The following SPIRE1 variants were observed in gnomAD, a reference collection of about 807,000 sequenced individuals.
SPIRE1 encodes protein spire homolog 1.
Under a neutral mutation model 94.1 loss-of-function variants are expected in SPIRE1, and 40 were observed. That is an observed-to-expected ratio of 0.43 (90% CI 0.33 to 0.55). The LOEUF (loss-of-function observed/expected upper bound fraction) is 0.55, where lower values mean the gene tolerates loss of function less well. Among genes scored for constraint, SPIRE1 ranks in the 20% least tolerant of loss-of-function variants. The pLI, the probability that SPIRE1 is intolerant of heterozygous loss-of-function variation, is 0.06. For missense variants in SPIRE1, 838 were observed against 975.2 expected (o/e 0.86, Z 1.87); for synonymous variants, 376 against 371.7 (o/e 1.01, Z -0.13).
chr18:12,549,614 G>C (rs974753374), intron 2 of SPIRE1, among the ~76,000 whole-genome samples: 7 of 151,456 alleles, frequency 4.6e-5, no homozygotes, highest in Non-Finnish European at 8.8e-5. Context: ...ACCATGCCGG[G>C]GTACTTTTTG....
intron 1 of SPIRE1, among the ~76,000 whole-genome samples, chr18:12,636,573 A>G (rs1264788324): frequency 6.6e-6 from 1 of 152,042 alleles, no homozygotes; most frequent in East Asian, 1.9e-4. Context: ...CTCATCTCTT[A>G]ATGATCCTAA....
chr18:12,462,046 T>G (rs1379759736), intron 12 of SPIRE1, among the ~76,000 whole-genome samples: 1 of 152,162 alleles, frequency 6.6e-6, no homozygotes, highest in African/African-American at 2.4e-5. Flanking sequence ...CTGGTCAGAG[T>G]TCTGTTTTCT....
upstream of SPIRE1, chr18:12,661,259 G>T: frequency 2.2e-6 from 1 of 449,290 alleles, no homozygotes; most frequent in Non-Finnish European, 2.9e-6. Context: ...AGTGAGCCGA[G>T]ATCACGCCAT....
At chr18:12,615,253 A>C (rs1390865030) in intron 2 of SPIRE1, among the ~76,000 whole-genome samples, 1 of 137,262 alleles carries the variant, frequency 7.3e-6, no homozygotes, top group Admixed American at 7.6e-5. Flanking sequence ...GCTTGAACCC[A>C]GGAGGCAGAG....
intron 1 of SPIRE1, among the ~76,000 whole-genome samples, chr18:12,644,609 T>C (rs2038172836): frequency 6.6e-6 from 1 of 152,212 alleles, no homozygotes; most frequent in South Asian, 2.1e-4. Flanking sequence ...AATCTGCAAG[T>C]AACCCTCCAT....
At chr18:12,648,875 A>G (rs2038296271) in intron 1 of SPIRE1, among the ~76,000 whole-genome samples, 1 of 124,984 alleles carries the variant, frequency 8.0e-6, no homozygotes, top group Admixed American at 1.0e-4. Flanking sequence ...GGACAAGAAG[A>G]GCGAAACTCC....
At chr18:12,506,422 G>A in intron 6 of SPIRE1, 55 bp downstream of exon 6, 2 of 1,534,258 alleles carry the variant, frequency 1.3e-6, no homozygotes, top group Middle Eastern at 1.8e-4. Context: ...ACCTCCCAAA[G>A]TGCTGGGATT....
At chr18:12,578,699 G>C (rs923578361) in intron 2 of SPIRE1, among the ~76,000 whole-genome samples, 1 of 152,116 alleles carries the variant, frequency 6.6e-6, no homozygotes, top group Non-Finnish European at 1.5e-5. Flanking sequence ...CCCACTATCC[G>C]ATGTGTAGCC....
At chr18:12,481,821 G>A (rs1321363465) in intron 9 of SPIRE1, among the ~76,000 whole-genome samples, 2 of 152,120 alleles carry the variant, frequency 1.3e-5, no homozygotes, top group East Asian at 3.9e-4. Flanking sequence ...AAATAGAATT[G>A]TTGATATTTT....
At chr18:12,638,092 A>C (rs909356724) in intron 1 of SPIRE1, among the ~76,000 whole-genome samples, 14 of 152,154 alleles carry the variant, frequency 9.2e-5, no homozygotes, top group Non-Finnish European at 7.3e-5. Flanking sequence ...TCCCAATCAC[A>C]TGACATCAGA....
chr18:12,603,083 G>A (rs1232528734), intron 2 of SPIRE1, among the ~76,000 whole-genome samples: 2 of 152,076 alleles, frequency 1.3e-5, no homozygotes, highest in Non-Finnish European at 2.9e-5. Flanking sequence ...ACCTTAAACA[G>A]GTTCATAACA....
intron 4 of SPIRE1, among the ~76,000 whole-genome samples, chr18:12,526,160 T>A (rs1021869595): frequency 1.3e-5 from 2 of 151,332 alleles, no homozygotes; most frequent in African/African-American, 2.4e-5. Flanking sequence ...TAGACTCTTC[T>A]GGTGCATCTT....
intron 10 of SPIRE1, among the ~76,000 whole-genome samples, chr18:12,470,789 T>C (rs960142902): frequency 3.3e-5 from 5 of 152,072 alleles, no homozygotes; most frequent in Non-Finnish European, 5.9e-5. Context: ...CTGCCTGGCC[T>C]GCTTCCCGAA....
intron 4 of SPIRE1, among the ~76,000 whole-genome samples, chr18:12,515,450 C>T (rs144350953): frequency 2.2e-4 from 34 of 152,008 alleles, no homozygotes; most frequent in East Asian, 1.6e-3. Context: ...TGGGAGGTTG[C>T]GGCTACAAGT....
chr18:12,516,102 A>G (rs2034186533), intron 4 of SPIRE1: 1 of 152,200 alleles, frequency 6.6e-6, no homozygotes, highest in Non-Finnish European at 1.5e-5. Context: ...CACTATGTCA[A>G]AGATATTTTA....
upstream of SPIRE1, among the ~76,000 whole-genome samples, chr18:12,660,306 A>T (rs1054765175): frequency 1.4e-5 from 2 of 147,128 alleles, no homozygotes; most frequent in South Asian, 2.1e-4. Flanking sequence ...CCTCTAATCA[A>T]TGGAAAAAGA....
intron 3 of SPIRE1, among the ~76,000 whole-genome samples, chr18:12,538,368 T>C (rs1022563985): frequency 6.6e-6 from 1 of 152,154 alleles, no homozygotes. Flanking sequence ...TGGGTTTCCA[T>C]TTATCTCTAA....
chr18:12,492,069 C>G (rs558530673), intron 8 of SPIRE1, among the ~76,000 whole-genome samples: 1 of 152,290 alleles, frequency 6.6e-6, no homozygotes, highest in Admixed American at 6.5e-5. Flanking sequence ...ATCTAGCAGA[C>G]AGCTGGACGT....
chr18:12,602,271 G>C (rs1011179282), intron 2 of SPIRE1, among the ~76,000 whole-genome samples: 1 of 152,102 alleles, frequency 6.6e-6, no homozygotes, highest in Non-Finnish European at 1.5e-5. Context: ...AAACAGATCA[G>C]TTGTAGTTTC....
Sources: allele counts gnomAD v4.1 joint callset (sites outside exome capture counted in the v4.1 genomes callset), GRCh38; gene constraint gnomAD v4.1.1; transcripts MANE v1.5; gene names NCBI Gene and HGNC (gene_info 2026-07-23, HGNC 2026-07-21).